Variants in CASC3 observed in about 807,000 individuals in gnomAD.
CASC3 encodes CASC3 exon junction complex subunit.
Under a neutral mutation model 80.5 loss-of-function variants are expected in CASC3, and 30 were observed. The observed-to-expected ratio is 0.37, with a 90% CI of 0.28 to 0.51. CASC3 has a LOEUF of 0.51. Ranked by LOEUF, CASC3 falls within the 20% of genes least tolerant of loss-of-function variation. The pLI is 0.94. For synonymous variants in CASC3, 312 were observed against 333.6 expected (o/e 0.94, Z 0.70); for missense variants, 824 against 922.2 (o/e 0.89, Z 1.38).
chr17:40,168,081 T>C (rs1438397167), intron 10 of CASC3, 122 bp from the exon 11 acceptor site: 39 of 1,265,616 alleles, frequency 3.1e-5, no homozygotes, highest in Admixed American at 7.2e-5. Flanking sequence ...GGGCAACAAG[T>C]TCCTCTTGTG....
chr17:40,166,148 G>A (rs1056631203), intron 7 of CASC3, among the ~76,000 whole-genome samples: 2 of 152,146 alleles, frequency 1.3e-5, no homozygotes, highest in African/African-American at 4.8e-5. Context: ...GTTTTAGAGA[G>A]TAAGACCTAC....
intron 7 of CASC3, among the ~76,000 whole-genome samples, chr17:40,165,752 T>G (rs1382926867): frequency 2.8e-5 from 4 of 145,364 alleles, no homozygotes; most frequent in Admixed American, 6.9e-5. Context: ...ATAGATATAG[T>G]TTTTTTTTTT....
intron 8 of CASC3, chr17:40,167,263 T>TA: frequency 1.8e-6 from 1 of 565,712 alleles, no homozygotes; most frequent in Non-Finnish European, 3.1e-6. Flanking sequence ...CCGGCCAAGA[T>TA]AAAGTCAGTT....
intron 9 of CASC3, 40 bp downstream of exon 9, chr17:40,167,652 GGTGAA>G: frequency 6.6e-7 from 1 of 1,515,632 alleles, no homozygotes; most frequent in Non-Finnish European, 9.2e-7. Context: ...TTCTTGGCAG[GGTGAA>G]GTGAAGTAAG....
chr17:40,142,323 T>G (rs1205699544), intron 3 of CASC3, among the ~76,000 whole-genome samples: 1 of 152,224 alleles, frequency 6.6e-6, no homozygotes, highest in Non-Finnish European at 1.5e-5. Flanking sequence ...CAGACAAACA[T>G]TCAAGCAATT....
intron 3 of CASC3, among the ~76,000 whole-genome samples, chr17:40,153,735 C>T (rs1989070869): frequency 6.6e-6 from 1 of 152,072 alleles, no homozygotes; most frequent in Admixed American, 6.6e-5. Flanking sequence ...ATTTCTTGGG[C>T]CCAGGAGTTC....
At position 40,168,285 on chromosome 17, in the gene CASC3, A is replaced by G. The variant is rs747414608; in HGVS notation, c.1833A>G (p.Pro611=). The change falls in exon 11 of 14, where the codon CCA becomes CCG. Residue 611 remains proline (P), a synonymous_variant. Coordinates refer to ENST00000264645, the MANE Select transcript of CASC3 (RefSeq NM_007359.5). ...PPPVSMSPGQ[P]PPQQLLAPTY... is the part of the protein sequence containing the mutation. The stretch of plus-strand genomic sequence containing the variant: ...CAGTGTCCATGTCTCCAGGACAGCC[A>G]CCACCTCAGCAGTTGCTTGCTCCTA... The G allele has an allele frequency of 6.2e-7, 1 of 1,614,090 alleles. No individual in the cohort carries two copies. Among genetic ancestry groups the G allele is most frequent in the South Asian group, 1.1e-5 (1 of 91,072 alleles).
In CASC3 at chr17:40,163,876, C is replaced by T. The variant is rs534617897; in HGVS notation, c.1181C>T (p.Pro394Leu). The T allele has an allele frequency of 2.6e-5, 42 of 1,614,112 alleles. No homozygotes were observed. In the Admixed American group the frequency reaches 5.8e-4, roughly 22 times the overall value. Residue 394 changes from proline to leucine, a missense_variant, in exon 7 of 14, where the codon CCC (proline) becomes CTC (leucine). Transcript: ENST00000264645. ...PAAAPDAAPP[P>L]PDRPIEKKSY... ...GCTGCTCCTGATGCTGCACCACCAC[C>T]CCCTGATAGGCCCATTGAGAAGAAA...
intron 3 of CASC3, among the ~76,000 whole-genome samples, chr17:40,151,694 C>CAAAAA (rs1010260103): frequency 1.9e-5 from 1 of 53,092 alleles, no homozygotes; most frequent in Non-Finnish European, 4.0e-5. Flanking sequence ...ACCTTCATCT[C>CAAAAA]AAAAAAAAAA....
intron 7 of CASC3, among the ~76,000 whole-genome samples, chr17:40,165,457 G>A (rs1204541294): frequency 6.6e-6 from 1 of 152,096 alleles, no homozygotes; most frequent in African/African-American, 2.4e-5. Flanking sequence ...TCCTCCTAAA[G>A]CGCTGGGATT....
chr17:40,141,456 TC>T (rs1230378589), intron 2 of CASC3, 113 bp from the exon 3 acceptor site: 1 of 952,648 alleles, frequency 1.0e-6, no homozygotes, highest in Non-Finnish European at 1.7e-6. Context: ...TATAATTTTA[TC>T]CACGTTGTAG....
intron 3 of CASC3, among the ~76,000 whole-genome samples, chr17:40,149,003 G>A (rs773604369): frequency 3.9e-5 from 6 of 152,010 alleles, no homozygotes; most frequent in Non-Finnish European, 5.9e-5. Flanking sequence ...AGCCTCCTGC[G>A]TAGCTGGGAT....
chr17:40,169,736 T>C, intron 13 of CASC3, 74 bp downstream of exon 13: 1 of 373,540 alleles, frequency 2.7e-6, no homozygotes, highest in Non-Finnish European at 4.6e-6. Context: ...AATCACTTAA[T>C]TAATGCTTTT....
chr17:40,168,246 C>A lies in CASC3; in HGVS notation c.1794C>A (p.Gly598=). 2.5e-6 allele frequency: 4 copies of A among 1,614,124 alleles called. No individual in the cohort carries two copies. Among genetic ancestry groups the A allele is most frequent in the Non-Finnish European group, 3.4e-6 (4 of 1,180,020 alleles). ...CACCAGCTCCTCTGCCCAATCCAGGCCTCTATCCCCCACCAGTGTCCATGT... is the reference window on the plus strand; with the variant it reads ...CACCAGCTCCTCTGCCCAATCCAGGACTCTATCCCCCACCAGTGTCCATGT... ...HQTPAPLPNP[G]LYPPPVSMSP... is the part of the protein sequence containing the mutation. Residue 598 remains glycine (G), a synonymous_variant, in exon 11 of 14, where the codon GGC becomes GGA. Transcript: ENST00000264645.
rs754646879 is a variant in CASC3, at chr17:40,163,595, T to C, written c.900T>C (p.Asn300=). 6.2e-7 allele frequency: 1 copy of C among 1,614,142 alleles called. No homozygotes were observed. The highest frequency in any genetic ancestry group is 8.5e-7 in the Non-Finnish European group (1 of 1,180,034). Residue 300 remains asparagine, a synonymous_variant, in exon 7 of 14, where the codon AAT becomes AAC. Coordinates refer to ENST00000264645, the MANE Select transcript of CASC3 (RefSeq NM_007359.5). Reference sequence around the variant, plus strand: ...CACCAAGGACATTTATTAACAGGAATGCTGCAGGTACCGGCCGTATGTCTG... The same window carrying C: ...CACCAAGGACATTTATTAACAGGAACGCTGCAGGTACCGGCCGTATGTCTG... ...TLPPRTFINR[N]AAGTGRMSAP...
chr17:40,149,102 C>G (rs1239646205), intron 3 of CASC3, among the ~76,000 whole-genome samples: 2 of 151,940 alleles, frequency 1.3e-5, no homozygotes, highest in African/African-American at 4.8e-5. Context: ...TCTCGAACTC[C>G]TGGTCTCAGG....
chr17:40,170,331 A>T, intron 13 of CASC3, 116 bp from the exon 14 acceptor site: 1 of 654,788 alleles, frequency 1.5e-6, no homozygotes, highest in Non-Finnish European at 1.9e-6. Flanking sequence ...GCTTTTGTTT[A>T]AGGACATTAC....
Position 40,167,628 on chromosome 17 carries a change from C to G in CASC3, c.1651+16C>G. The G allele has an allele frequency of 6.3e-7, 1 of 1,583,674 alleles. No individual in the cohort carries two copies. Among genetic ancestry groups the G allele is most frequent in the South Asian group, 1.1e-5 (1 of 90,252 alleles). On this transcript the variant is annotated intron_variant, in intron 9 of 13. Coordinates refer to ENST00000264645, the MANE Select transcript of CASC3 (RefSeq NM_007359.5). ...TATGATCCACGTGAGTTTTTTCTTA[C>G]TGTTGGGGTACTTTTCTTGGCAGGG...
At chr17:40,152,283 G>A (rs537856834) in intron 3 of CASC3, among the ~76,000 whole-genome samples, 120 of 151,922 alleles carry the variant, frequency 7.9e-4, no homozygotes, top group Non-Finnish European at 1.4e-3. Flanking sequence ...GACTACAGGC[G>A]TGCACTACCA....
Sources: gnomAD v4.1 joint callset for allele counts (sites outside exome capture counted in the v4.1 genomes callset) on GRCh38, gnomAD v4.1.1 for gene constraint, MANE v1.5 for transcripts, NCBI Gene and HGNC (gene_info 2026-07-23, HGNC 2026-07-21) for gene names.